The following SLC44A4 variants were observed in gnomAD, a reference collection of about 807,000 sequenced individuals.
SLC44A4 encodes solute carrier family 44 member 4, also known as choline transporter-like protein 4.
Under a neutral mutation model 97.0 loss-of-function variants are expected in SLC44A4, and 74 were observed. The ratio of observed to expected loss-of-function variants is 0.76; its 90% CI spans 0.63 to 0.93. SLC44A4 has a LOEUF of 0.93. Ranked by LOEUF, SLC44A4 falls within the 40% of genes least tolerant of loss-of-function variation. The pLI is 0.00. For missense variants in SLC44A4, 799 were observed against 902.9 expected (o/e 0.88, Z 1.48); for synonymous variants, 325 against 363.8 (o/e 0.89, Z 1.21).
At chr6:31,869,663 G>A (rs778961819) in intron 11 of SLC44A4, 26 bp from the exon 12 acceptor site, 42 of 1,559,682 alleles carry the variant, frequency 2.7e-5, no homozygotes, top group East Asian at 6.9e-5. Context: ...GCTGTTAACC[G>A]GCACCGCCCC....
chr6:31,866,213 C>A lies in SLC44A4; in HGVS notation c.1234-87G>T, dbSNP rs1762865438. The A allele has an allele frequency of 4.6e-6, 7 of 1,515,908 alleles. No homozygotes were observed. The South Asian group carries it at 8.7e-5, about 19-fold the overall frequency. 93.9% of individuals were successfully genotyped at this position (1,515,908 alleles called of 1,614,324 possible). On this transcript the variant is annotated intron_variant, in intron 13 of 20. Coordinates refer to ENST00000229729, the MANE Select transcript of SLC44A4 (RefSeq NM_025257.3). Reference sequence around the variant, plus strand: ...GCGTCCCATTCCCAGTAGCTCCTGCCCCTCCCAGAGTTGACAGGTGGGAAG... The same window carrying A: ...GCGTCCCATTCCCAGTAGCTCCTGCACCTCCCAGAGTTGACAGGTGGGAAG...
At chr6:31,871,165 C>T in intron 9 of SLC44A4, 118 bp from the exon 10 acceptor site, 1 of 1,259,746 alleles carries the variant, frequency 7.9e-7, no homozygotes, top group Middle Eastern at 1.9e-4. Context: ...GCCTCTTTCC[C>T]TTATAAATCC....
At chr6:31,866,951 G>C (rs1033187698) in intron 13 of SLC44A4, among the ~76,000 whole-genome samples, 1 of 151,928 alleles carries the variant, frequency 6.6e-6, no homozygotes, top group Admixed American at 6.6e-5. Flanking sequence ...GCAAAAAGTT[G>C]AGGGTTGTGG....
chr6:31,869,802 G>A (rs917054312), intron 11 of SLC44A4, among the ~76,000 whole-genome samples, 165 bp from the exon 12 acceptor site: 8 of 152,226 alleles, frequency 5.3e-5, no homozygotes, highest in Non-Finnish European at 1.2e-4. Context: ...TGGCTAACAC[G>A]GTGAAACCCC....
In SLC44A4 at chr6:31,874,345, C is replaced by T. The variant is rs1307727052; in HGVS notation, c.529+115G>A. The T allele has an allele frequency of 8.6e-7, 1 of 1,169,468 alleles. No homozygotes were observed. Among genetic ancestry groups the T allele is most frequent in the Admixed American group, 1.9e-5 (1 of 51,350 alleles). The allele number at this position is 1,169,468 out of a possible 1,614,324, so 72.4% of individuals were successfully genotyped here. A position where few individuals can be genotyped will look rare whatever the true frequency, so the allele number is the denominator to read the frequency against. On this transcript the variant is annotated intron_variant, in intron 7 of 20. Transcript: ENST00000229729. The surrounding 1 kb of genome is among the most constrained non-coding windows in gnomAD (Gnocchi z 4.8). ...CAAAATGAAGACCTGATGCTAATTC[C>T]AATTTTGCCACCAACAAGCTATGTG... is the stretch of plus-strand genomic sequence containing the variant.
chr6:31,864,668 C>CA lies in SLC44A4; in HGVS notation c.1994_1995insT (p.Leu666AlafsTer94). 1 of 1,613,780 alleles carries CA rather than the reference C, an allele frequency of 6.2e-7. No homozygotes were observed. Among genetic ancestry groups the CA allele is most frequent in the Non-Finnish European group, 8.5e-7 (1 of 1,179,984 alleles). On this transcript the variant is annotated frameshift_variant, in exon 20 of 21. Transcript: ENST00000229729. LOFTEE classifies it high-confidence loss of function. ...GTCACTCACGGAAGCAGAGGAAGAG[C>CA]GTGTCCACACACATGCCGAAAACGC...
In SLC44A4 at chr6:31,876,504, C is replaced by T. The variant is rs1276008535; in HGVS notation, c.90-375G>A. ...TGGCTCACGACTGTAATACTAGCTA[C>T]TTGGGAGGCTGAGGCAGGGCAATCC... On this transcript the variant is annotated intron_variant, in intron 2 of 20. Coordinates refer to ENST00000229729, the MANE Select transcript of SLC44A4 (RefSeq NM_025257.3). This position sits in a 1 kb window ranked among gnomAD's most constrained non-coding sequence, Gnocchi z 4.8. Among the ~76,000 whole-genome samples the T allele has an allele frequency of 6.6e-6, 1 of 152,068 alleles. No individual in the cohort carries two copies. Among genetic ancestry groups the T allele is most frequent in the Non-Finnish European group, 1.5e-5 (1 of 68,002 alleles).
In SLC44A4 at chr6:31,874,370, G is replaced by A; in HGVS notation, c.529+90C>T. On this transcript the variant is annotated intron_variant, in intron 7 of 20. Coordinates refer to ENST00000229729, the MANE Select transcript of SLC44A4 (RefSeq NM_025257.3). This position sits in a 1 kb window ranked among gnomAD's most constrained non-coding sequence, Gnocchi z 4.8. ...CAATTTTGCCACCAACAAGCTATGT[G>A]ACTTCACTCTCTCTGGGCCTGATTT... 1 of 1,444,652 alleles carries A rather than the reference G, an allele frequency of 6.9e-7. No homozygotes were observed. 89.5% of individuals were successfully genotyped at this position (1,444,652 alleles called of 1,614,324 possible). A position where few individuals can be genotyped will look rare whatever the true frequency, so the allele number is the denominator to read the frequency against.
chr6:31,875,724 TGG>T, intron 4 of SLC44A4, 126 bp downstream of exon 4: 1 of 797,772 alleles, frequency 1.3e-6, no homozygotes, highest in Non-Finnish European at 2.0e-6. Flanking sequence ...GAGGCTGAGG[TGG>T]GGTGGGGACA....
chr6:31,870,542 C>T, intron 11 of SLC44A4, 61 bp downstream of exon 11: 1 of 1,384,896 alleles, frequency 7.2e-7, no homozygotes, highest in Non-Finnish European at 1.0e-6. Flanking sequence ...CCCCTAGGTC[C>T]CCTAGCACTC....
intron 7 of SLC44A4, 102 bp from the exon 8 acceptor site, chr6:31,871,663 GA>G: frequency 1.2e-6 from 1 of 849,868 alleles, no homozygotes; most frequent in Non-Finnish European, 1.9e-6. Context: ...AGGGAAGGGT[GA>G]TGGGCCTTGC....
intron 20 of SLC44A4, 117 bp downstream of exon 20, chr6:31,864,535 T>G: frequency 2.1e-6 from 2 of 942,946 alleles, no homozygotes. Flanking sequence ...TCCCTCTGGT[T>G]CGTTTAGCTC....
Position 31,874,984 on chromosome 6 carries a change from A to G in SLC44A4, c.287T>C (p.Leu96Pro), listed in dbSNP as rs1763369366. The G allele has an allele frequency of 6.2e-7, 1 of 1,613,332 alleles. No individual in the cohort carries two copies. The highest frequency in any genetic ancestry group is 8.5e-7 in the Non-Finnish European group (1 of 1,179,992). Reference protein sequence around the residue: ...LLYFNIFSCILSSNIISVAEN... With the variant: ...LLYFNIFSCIPSSNIISVAEN... ...AGCAACTGAGATGATGTTGCTGGAC[A>G]GGATGCAGCTGAAGATGTTGAAGTA... The change falls in exon 5 of 21, where the codon CTG (leucine) becomes CCG (proline). Residue 96 changes from leucine to proline, a missense_variant. Physicochemically the swap from Leu to Pro is moderately conservative, Grantham distance 98. Around this residue, in one of 3 missense-constraint regions of SLC44A4, gnomAD observed 409 missense variants for 434.1 expected, o/e 0.94. Transcript: ENST00000229729. The surrounding 1 kb of genome is among the most constrained non-coding windows in gnomAD (Gnocchi z 4.8).
chr6:31,875,143 C>T, intron 4 of SLC44A4, 115 bp from the exon 5 acceptor site: 1 of 736,826 alleles, frequency 1.4e-6, no homozygotes, highest in Non-Finnish European at 2.3e-6. Flanking sequence ...GTGGCCCATA[C>T]CAGTCACCTC....
rs1562450622 is a variant in SLC44A4, at chr6:31,870,903, C to T, written c.846G>A (p.Val282=). ...GIYYCWEEYR[V]LRDKGASISQ... ...AGATGGAGGCGCCCTTGTCCCGCAG[C>T]ACTCGGTACTCCTCCCAGCAGTAGT... is the stretch of plus-strand genomic sequence containing the variant. Residue 282 remains valine (V), a synonymous_variant, in exon 10 of 21, where the codon GTG becomes GTA. Coordinates refer to ENST00000229729, the MANE Select transcript of SLC44A4 (RefSeq NM_025257.3). 1.2e-6 allele frequency: 2 copies of T among 1,613,070 alleles called. No individual in the cohort carries two copies. Among genetic ancestry groups the T allele is most frequent in the Non-Finnish European group, 1.7e-6 (2 of 1,180,010 alleles).
At position 31,869,156 on chromosome 6, in the gene SLC44A4, G is replaced by A. The variant is rs563426936; in HGVS notation, c.1232C>T (p.Thr411Met). 5.6e-5 allele frequency: 89 copies of A among 1,603,496 alleles called. 1 individual carries two copies. The South Asian group carries it at 8.4e-4, about 15-fold the overall frequency. The change falls in exon 13 of 21, where the codon ACG becomes ATG. Residue 411 changes from threonine (T) to methionine (M), a missense_variant and splice_region_variant. Physicochemically the swap from Thr to Met is moderately conservative, Grantham distance 81 (BLOSUM62 -1). Coordinates refer to ENST00000229729, the MANE Select transcript of SLC44A4 (RefSeq NM_025257.3). ...KVPINTSCNP[T>M]AHLVNSSCPG... The stretch of plus-strand genomic sequence containing the variant: ...TCCATGTCCCCTGCTTCCTCTTACC[G>A]TGGGGTTGCATGATGTATTTATTGG...
rs138094825 is a variant in SLC44A4 at position 31,863,890 on chromosome 6, C to A, written c.2012-142G>T. The A allele has an allele frequency of 1.3e-3, 1,421 of 1,095,878 alleles. 10 individuals carry two copies. The African/African-American group carries it at 0.016, about 13-fold the overall frequency. The allele number at this position is 1,095,878 out of a possible 1,614,324, so 67.9% of individuals were successfully genotyped here. A position where few individuals can be genotyped will look rare whatever the true frequency, so the allele number is the denominator to read the frequency against. The stretch of plus-strand genomic sequence containing the variant: ...CAGGTTATGTAATCTCAGTTTCCTC[C>A]TGTGAAGTGGGGTCGGGAATATTAT... On this transcript the variant is annotated intron_variant, in intron 20 of 20. Transcript: ENST00000229729.
At chr6:31,869,970 G>A (rs1255914391) in intron 11 of SLC44A4, among the ~76,000 whole-genome samples, 1 of 139,890 alleles carries the variant, frequency 7.1e-6, no homozygotes, top group Non-Finnish European at 1.5e-5. Flanking sequence ...GGTCGACAGA[G>A]CGAGACTCCG....
chr6:31,871,081 C>G (rs776677248), intron 9 of SLC44A4, 34 bp from the exon 10 acceptor site: 58 of 1,560,406 alleles, frequency 3.7e-5, no homozygotes, highest in Non-Finnish European at 5.0e-5. Context: ...AGGTTCAGCC[C>G]TAGCCCCTCA....
Sources: allele counts gnomAD v4.1 joint callset (sites outside exome capture counted in the v4.1 genomes callset), GRCh38; gene constraint gnomAD v4.1.1; regional missense constraint gnomAD v4.1.1; non-coding constraint Gnocchi (gnomAD v3.1); transcripts MANE v1.5; gene names NCBI Gene and HGNC (gene_info 2026-07-23, HGNC 2026-07-21).